EPHA4: variants seen among roughly 807,000 people sequenced by gnomAD.
EPHA4 encodes the protein EPH receptor A4, also known as ephrin type-A receptor 4.
In EPHA4, 19 loss-of-function variants were observed where a neutral mutation model predicts 108.3. That is an observed-to-expected ratio of 0.18 (90% CI 0.12 to 0.26). The LOEUF is 0.26. EPHA4 is among the 10% of genes least tolerant of loss of function. The pLI is 1.00. For synonymous variants in EPHA4, 449 were observed against 455.5 expected (o/e 0.99, Z 0.18); for missense variants, 917 against 1,254.0 (o/e 0.73, Z 4.06).
chr2:221,570,784 A>ATGGG (rs1694810441), intron 1 of EPHA4, among the ~76,000 whole-genome samples: 2 of 151,630 alleles, frequency 1.3e-5, no homozygotes, highest in Non-Finnish European at 2.9e-5. Context: ...GGATAGATGA[A>ATGGG]TGGGTGGATG....
chr2:221,424,643 G>A (rs1689846768), intron 17 of EPHA4, among the ~76,000 whole-genome samples: 1 of 152,184 alleles, frequency 6.6e-6, no homozygotes, highest in Admixed American at 6.5e-5. Context: ...TTCTGATCAT[G>A]AGAAAGCCGA....
At chr2:221,486,849 CAATG>C (rs1283914965) in intron 4 of EPHA4, among the ~76,000 whole-genome samples, 1 of 151,700 alleles carries the variant, frequency 6.6e-6, no homozygotes, top group African/African-American at 2.4e-5. Flanking sequence ...TTTGATAAGT[CAATG>C]AATGAATGAA....
At chr2:221,439,184 T>C (rs1690335826) in intron 11 of EPHA4, among the ~76,000 whole-genome samples, 2 of 152,194 alleles carry the variant, frequency 1.3e-5, no homozygotes, top group Admixed American at 6.5e-5. Flanking sequence ...GGAATCTTGG[T>C]GCAGACCAAA....
At chr2:221,500,107 T>C (rs1692445665) in intron 4 of EPHA4, among the ~76,000 whole-genome samples, 1 of 152,126 alleles carries the variant, frequency 6.6e-6, no homozygotes, top group African/African-American at 2.4e-5. Flanking sequence ...ACATAGCACA[T>C]AAACAACATG....
intron 3 of EPHA4, among the ~76,000 whole-genome samples, chr2:221,547,141 TTTC>T (rs1345898958): frequency 1.3e-5 from 2 of 152,226 alleles, no homozygotes; most frequent in African/African-American, 2.4e-5. Context: ...TTTTTTCCCT[TTTC>T]TTCTTATTAC....
chr2:221,495,001 CAAAAA>C (rs5838887), intron 4 of EPHA4, among the ~76,000 whole-genome samples: 1 of 85,522 alleles, frequency 1.2e-5, no homozygotes, highest in Non-Finnish European at 2.3e-5. Context: ...GCAATGTTGC[CAAAAA>C]AAAAAAAAAA....
intron 3 of EPHA4, among the ~76,000 whole-genome samples, chr2:221,534,448 A>G (rs1341862715): frequency 6.6e-6 from 1 of 152,164 alleles, no homozygotes; most frequent in African/African-American, 2.4e-5. Context: ...TAACACAGGC[A>G]CCTAGAAAAG....
At chr2:221,434,373 C>G in intron 13 of EPHA4, 82 bp from the exon 14 acceptor site, 2 of 1,434,544 alleles carry the variant, frequency 1.4e-6, no homozygotes, top group Non-Finnish European at 1.9e-6. Flanking sequence ...TTCCTGCTAG[C>G]CAAGCAGGAC....
At chr2:221,427,692 TAC>T (rs1689952753) in intron 15 of EPHA4, among the ~76,000 whole-genome samples, 1 of 152,206 alleles carries the variant, frequency 6.6e-6, no homozygotes, top group East Asian at 1.9e-4. Flanking sequence ...TATGTTTAAG[TAC>T]AAACATTTAA....
rs1312618723 is a variant in EPHA4, at chr2:221,520,539, CACACAGAG to C, written c.824-19375_824-19368del. ...ACACACACACACACACACACACACACACACAGAGAGAGAGAGAGAGAGCAAGAGGGGGG... is the reference window on the plus strand; with the variant it reads ...ACACACACACACACACACACACACACAGAGAGAGAGAGAGCAAGAGGGGGG... On this transcript the variant is annotated intron_variant, in intron 3 of 17. Coordinates refer to ENST00000281821, the MANE Select transcript of EPHA4 (RefSeq NM_004438.5). Among the ~76,000 whole-genome samples the C allele has an allele frequency of 6.9e-3, 226 of 32,790 alleles. 3 individuals carry two copies. Among genetic ancestry groups the C allele is most frequent in the African/African-American group, 0.037 (179 of 4,896 alleles). The allele number at this position is 32,790 out of a possible 152,430, so 21.5% of individuals were successfully genotyped here.
At chr2:221,431,395 T>C (rs1036110684) in intron 14 of EPHA4, among the ~76,000 whole-genome samples, 1 of 152,236 alleles carries the variant, frequency 6.6e-6, no homozygotes, top group Non-Finnish European at 1.5e-5. Flanking sequence ...CCAGGGTCCA[T>C]GGATTAGTAT....
intron 4 of EPHA4, among the ~76,000 whole-genome samples, chr2:221,494,387 T>C (rs1169886646): frequency 6.6e-6 from 1 of 152,194 alleles, no homozygotes; most frequent in Admixed American, 6.5e-5. Flanking sequence ...GCGGATCGCT[T>C]GAGGTCAGGA....
At chr2:221,529,917 T>C (rs1197450135) in intron 3 of EPHA4, among the ~76,000 whole-genome samples, 1 of 152,196 alleles carries the variant, frequency 6.6e-6, no homozygotes, top group Admixed American at 6.5e-5. Flanking sequence ...TCTTGTGAGT[T>C]ATTTTCATCT....
At chr2:221,440,097 G>A (rs986538423) in intron 11 of EPHA4, among the ~76,000 whole-genome samples, 1 of 152,186 alleles carries the variant, frequency 6.6e-6, no homozygotes, top group African/African-American at 2.4e-5. Context: ...AATAGGCCTG[G>A]GCTGGGCTCT....
chr2:221,563,952 T>C lies in EPHA4; in HGVS notation c.602A>G (p.Tyr201Cys). The C allele has an allele frequency of 6.2e-7, 1 of 1,614,134 alleles. No individual in the cohort carries two copies. Among genetic ancestry groups the C allele is most frequent in the Non-Finnish European group, 8.5e-7 (1 of 1,180,044 alleles). The change falls in exon 3 of 18, where the codon TAT becomes TGT. Residue 201 changes from tyrosine to cysteine, a missense_variant. Physicochemically the swap from Tyr to Cys is radical, Grantham distance 194. This residue lies in a region of EPHA4 where 758 missense variants were observed against 1,076.7 expected (regional missense o/e 0.70). Transcript: ENST00000281821. ...GCGGACTGTGAGTGGACACTTTTTA[T>C]AGAACACACGGACTGATACCAGGGC... ...CIALVSVRVF[Y>C]KKCPLTVRNL... is the part of the protein sequence containing the mutation.
Position 221,561,936 on chromosome 2 carries a change from G to A in EPHA4, c.823+1795C>T, listed in dbSNP as rs570272804. 5.3e-5 allele frequency among the ~76,000 whole-genome samples: 8 copies of A among 152,202 alleles called. 1 individual carries two copies. Among genetic ancestry groups the A allele is most frequent in the Admixed American group, 3.9e-4 (6 of 15,286 alleles). Reference sequence around the variant, plus strand: ...ATGTGCGGCTCCTGTCTTACAAAACGGAAAAGGCAGAATAATTTACTCTAA... The same window carrying A: ...ATGTGCGGCTCCTGTCTTACAAAACAGAAAAGGCAGAATAATTTACTCTAA... On this transcript the variant is annotated intron_variant, in intron 3 of 17. Coordinates refer to ENST00000281821, the MANE Select transcript of EPHA4 (RefSeq NM_004438.5).
chr2:221,485,864 C>T (rs1000448906), intron 4 of EPHA4, among the ~76,000 whole-genome samples: 2 of 152,034 alleles, frequency 1.3e-5, no homozygotes, highest in East Asian at 1.9e-4. Flanking sequence ...TAGTTAATAC[C>T]GAACTGCAGC....
chr2:221,537,429 T>C (rs979613307), intron 3 of EPHA4, among the ~76,000 whole-genome samples: 1 of 152,248 alleles, frequency 6.6e-6, no homozygotes, highest in East Asian at 1.9e-4. Flanking sequence ...CAGTGAATTA[T>C]TTGATTTCCA....
At chr2:221,472,205 T>C (rs1691507368) in intron 5 of EPHA4, among the ~76,000 whole-genome samples, 1 of 151,940 alleles carries the variant, frequency 6.6e-6, no homozygotes, top group Non-Finnish European at 1.5e-5. Context: ...CCCTGGCTTG[T>C]TTATATGTGT....
Sources: gnomAD v4.1 joint callset for allele counts (sites outside exome capture counted in the v4.1 genomes callset) on GRCh38, gnomAD v4.1.1 for gene constraint, gnomAD v4.1.1 regional missense constraint, MANE v1.5 for transcripts, NCBI Gene and HGNC (gene_info 2026-07-23, HGNC 2026-07-21) for gene names.